Variants in WTIP observed in about 807,000 individuals in gnomAD.
WTIP encodes the protein Wilms tumor protein 1-interacting protein.
A neutral mutation model predicts 41.7 loss-of-function variants in WTIP; 23 were observed. The ratio of observed to expected loss-of-function variants is 0.55; its 90% CI spans 0.40 to 0.78. The LOEUF (loss-of-function observed/expected upper bound fraction) is 0.78, where lower values mean the gene tolerates loss of function less well. WTIP is among the 30% of genes least tolerant of loss of function. The pLI, the probability that WTIP is intolerant of heterozygous loss-of-function variation, is 0.00. For missense variants in WTIP, 619 were observed against 610.5 expected (o/e 1.01, Z -0.15); for synonymous variants, 314 against 269.9 (o/e 1.16, Z -1.60).
rs370764688 is a variant in WTIP, at chr19:34,500,252, C to G, written c.1276C>G (p.His426Asp). The G allele has an allele frequency of 7.5e-6, 12 of 1,608,132 alleles. No individual in the cohort carries two copies. Among genetic ancestry groups the G allele is most frequent in the Non-Finnish European group, 1.0e-5 (12 of 1,179,272 alleles). Residue 426 changes from histidine to aspartate, a missense_variant, in exon 8 of 8, where the codon CAC (histidine) becomes GAC (aspartate). By Grantham distance (81) the His-to-Asp change is moderately conservative. Around this residue, in one of 3 missense-constraint regions of WTIP, gnomAD observed 92 missense variants for 82.4 expected, o/e 1.12. Transcript: ENST00000590071. ...TGGGCCTCTTCCCTCACCCACTGTGCACGTCACTGAGCTCTGAGCAGGGGA... is the reference window on the plus strand; with the variant it reads ...TGGGCCTCTTCCCTCACCCACTGTGGACGTCACTGAGCTCTGAGCAGGGGA... The part of the protein sequence containing the change: ...QPGPLPSPTV[H>D]VTEL
intron 5 of WTIP, among the ~76,000 whole-genome samples, chr19:34,494,279 C>T (rs913138144): frequency 2.0e-5 from 3 of 152,002 alleles, no homozygotes; most frequent in Non-Finnish European, 4.4e-5. Flanking sequence ...CAGGGCCGGG[C>T]ATGGTGGCTC....
intron 1 of WTIP, among the ~76,000 whole-genome samples, chr19:34,484,318 G>A (rs886321662): frequency 7.9e-5 from 12 of 152,280 alleles, no homozygotes; most frequent in Admixed American, 6.5e-4. Flanking sequence ...GAGGCCAGGC[G>A]GGATGAGAGA....
Position 34,487,784 on chromosome 19 carries a change from G to A in WTIP, c.668-2592G>A, listed in dbSNP as rs549762116. On this transcript the variant is annotated intron_variant, in intron 1 of 7. Transcript: ENST00000590071. ...GGCCTGGAGCTGGCAGAAGATTTAC[G>A]GTCCAGAGGGCAGGTGGAGGCCATC... 5.9e-5 allele frequency among the ~76,000 whole-genome samples: 9 copies of A among 151,398 alleles called. No homozygotes were observed. In the South Asian group the frequency reaches 1.0e-3, roughly 18 times the overall value.
Position 34,493,612 on chromosome 19 carries a change from G to C in WTIP, c.1021G>C (p.Asp341His). ...GGAGAACAACATCTACTGCGTGCGAGACTATCACACGTGAGTTGCTGGTGC... is the reference window on the plus strand; with the variant it reads ...GGAGAACAACATCTACTGCGTGCGACACTATCACACGTGAGTTGCTGGTGC... The part of the protein sequence containing the change: ...DVENNIYCVR[D>H]YHTVFAPKCA... The change falls in exon 5 of 8, where the codon GAC becomes CAC. Residue 341 changes from aspartate to histidine, a missense_variant. Asp to His is a moderately conservative substitution (Grantham distance 81). Transcript: ENST00000590071. The surrounding 1 kb of genome is among the most constrained non-coding windows in gnomAD (Gnocchi z 4.1). The C allele has an allele frequency of 1.2e-6, 2 of 1,613,434 alleles. No individual in the cohort carries two copies. Among genetic ancestry groups the C allele is most frequent in the Non-Finnish European group, 8.5e-7 (1 of 1,179,892 alleles).
In WTIP at chr19:34,503,048, A is replaced by T. The variant is rs114659384; in HGVS notation, c.*2779A>T. ...GGGTTGCTTCACTGAACCCTGCTCC[A>T]TCCCGGTCACCATGCACGCTCCTGC... On this transcript the variant is annotated 3_prime_UTR_variant, in exon 8 of 8. Transcript: ENST00000590071. 6 of 152,506 alleles carry T rather than the reference A, an allele frequency of 3.9e-5. No individual in the cohort carries two copies. Among genetic ancestry groups the T allele is most frequent in the African/African-American group, 1.4e-4 (6 of 41,532 alleles). The allele number at this position is 152,506 out of a possible 1,614,324, so 9.4% of individuals were successfully genotyped here.
intron 7 of WTIP, among the ~76,000 whole-genome samples, chr19:34,496,751 T>C (rs1167683239): frequency 6.6e-6 from 1 of 151,952 alleles, no homozygotes; most frequent in Non-Finnish European, 1.5e-5. Context: ...GATGGGATGC[T>C]CTCATTTTTG....
Position 34,499,038 on chromosome 19 carries a change from A to G in WTIP, c.1153-1091A>G, listed in dbSNP as rs557985629. ...AGCCTGATCAGCATAGCAAGACGCC[A>G]TGTCTACAAAATACAAGGGGAAAAA... On this transcript the variant is annotated intron_variant, in intron 7 of 7. Coordinates refer to ENST00000590071, the MANE Select transcript of WTIP (RefSeq NM_001080436.2). Among the ~76,000 whole-genome samples, 6 of 151,754 alleles carry G rather than the reference A, an allele frequency of 4.0e-5. No individual in the cohort carries two copies. The East Asian group carries it at 1.2e-3, about 30-fold the overall frequency.
chr19:34,496,916 G>T (rs918037602), intron 7 of WTIP, among the ~76,000 whole-genome samples: 9 of 152,178 alleles, frequency 5.9e-5, no homozygotes, highest in Admixed American at 5.2e-4. Context: ...AGGCTGCAGT[G>T]CAGTGGCACT....
intron 6 of WTIP, 113 bp from the exon 7 acceptor site, chr19:34,495,590 G>A (rs190836553): frequency 1.4e-5 from 17 of 1,182,438 alleles, no homozygotes; most frequent in Non-Finnish European, 1.9e-5. Context: ...GCTCCCCGGG[G>A]CGGGCGTGCA....
At position 34,510,477 on chromosome 19, in the gene WTIP, A is replaced by AT. The variant is rs2075928964; in HGVS notation, c.*10214dup. On this transcript the variant is annotated 3_prime_UTR_variant, in exon 8 of 8. Transcript: ENST00000590071. ...GACTTTGGGTCCAGCCCACAAAACCATTTTTTGCTCCTAGGCTTCTGGGTC... is the reference window on the plus strand; with the variant it reads ...GACTTTGGGTCCAGCCCACAAAACCATTTTTTTGCTCCTAGGCTTCTGGGTC... The AT allele has an allele frequency of 6.6e-6, 1 of 152,100 alleles. No homozygotes were observed. Among genetic ancestry groups the AT allele is most frequent in the African/African-American group, 2.4e-5 (1 of 41,398 alleles). 9.4% of individuals were successfully genotyped at this position (152,100 alleles called of 1,614,324 possible).
At chr19:34,486,416 A>G (rs1286861699) in intron 1 of WTIP, among the ~76,000 whole-genome samples, 1 of 146,128 alleles carries the variant, frequency 6.8e-6, no homozygotes, top group Non-Finnish European at 1.5e-5. Context: ...TGCCCAGGGT[A>G]GAGTTCAATG....
In WTIP at chr19:34,482,415, C is replaced by T. The variant is rs1437015229; in HGVS notation, c.441C>T (p.Leu147=). ...GCGCCCGCTCCAGCGTTTCCAGCCTCGGCTCCCGGGGCTCGGCCGGCGCCT... is the reference window on the plus strand; with the variant it reads ...GCGCCCGCTCCAGCGTTTCCAGCCTTGGCTCCCGGGGCTCGGCCGGCGCCT... The part of the protein sequence containing the change: ...VGSARSSVSS[L]GSRGSAGAYA... Residue 147 remains leucine (L), a synonymous_variant, in exon 1 of 8, where the codon CTC becomes CTT. Transcript: ENST00000590071. 7.3e-7 allele frequency: 1 copy of T among 1,360,656 alleles called. No individual in the cohort carries two copies. Among genetic ancestry groups the T allele is most frequent in the Non-Finnish European group, 9.5e-7 (1 of 1,054,590 alleles). 84.3% of individuals were successfully genotyped at this position (1,360,656 alleles called of 1,614,324 possible).
In WTIP at chr19:34,482,024, G is replaced by A; in HGVS notation, c.50G>A (p.Gly17Glu). The part of the protein sequence containing the change: ...GADEAALLLA[G>E]LALRELEPGC... The stretch of plus-strand genomic sequence containing the variant: ...GACGAGGCGGCCCTACTCCTGGCCG[G>A]GCTGGCCCTGCGGGAGCTGGAGCCC... Residue 17 changes from glycine to glutamate, a missense_variant, in exon 1 of 8, where the codon GGG (glycine) becomes GAG (glutamate). Transcript: ENST00000590071. 2.0e-6 allele frequency: 2 copies of A among 1,025,354 alleles called. No homozygotes were observed. Among genetic ancestry groups the A allele is most frequent in the Non-Finnish European group, 2.3e-6 (2 of 857,198 alleles). 63.5% of individuals were successfully genotyped at this position (1,025,354 alleles called of 1,614,324 possible). A position where few individuals can be genotyped will look rare whatever the true frequency, so the allele number is the denominator to read the frequency against.
chr19:34,485,720 A>C (rs2075793815), intron 1 of WTIP, among the ~76,000 whole-genome samples: 1 of 152,090 alleles, frequency 6.6e-6, no homozygotes, highest in Admixed American at 6.5e-5. Context: ...CAGCCTCCTG[A>C]GTAGCTGAGA....
chr19:34,494,983 G>A (rs1414008663), intron 6 of WTIP, among the ~76,000 whole-genome samples: 7 of 152,208 alleles, frequency 4.6e-5, no homozygotes, highest in Non-Finnish European at 7.3e-5. Flanking sequence ...TGGTCTGTGC[G>A]GGAGCCACCC....
chr19:34,489,633 C>CT (rs11372488), intron 1 of WTIP, among the ~76,000 whole-genome samples: 74,324 of 152,066 alleles, frequency 0.49, 21,207 homozygotes, highest in African/African-American at 0.79. Flanking sequence ...CTTAAAGCAA[C>CT]TGTCTTGGTA....
intron 1 of WTIP, among the ~76,000 whole-genome samples, chr19:34,488,889 C>T (rs1271866463): frequency 9.3e-6 from 1 of 107,740 alleles, no homozygotes; most frequent in Non-Finnish European, 1.8e-5. Flanking sequence ...GGCAACAGAG[C>T]GAGACTCTCC....
rs373305810 is a variant in WTIP, at chr19:34,485,480, T to TA, written c.667+2840dup. On this transcript the variant is annotated intron_variant, in intron 1 of 7. Coordinates refer to ENST00000590071, the MANE Select transcript of WTIP (RefSeq NM_001080436.2). ...TTGAGCTACAAAAGTGGCAGTTTCA[T>TA]AGAGTTCAACCAGAATAATACAGCA... 2.6e-5 allele frequency among the ~76,000 whole-genome samples: 4 copies of TA among 152,316 alleles called. No homozygotes were observed. In the East Asian group the frequency reaches 7.7e-4, roughly 29 times the overall value.
chr19:34,492,352 C>T (rs181509598), intron 2 of WTIP, among the ~76,000 whole-genome samples: 48 of 148,338 alleles, frequency 3.2e-4, no homozygotes, highest in Middle Eastern at 3.4e-3. Flanking sequence ...TGGGCTCAAG[C>T]GATGCTCCTG....
Sources: gnomAD v4.1 joint callset for allele counts (sites outside exome capture counted in the v4.1 genomes callset) on GRCh38, gnomAD v4.1.1 for gene constraint, gnomAD v4.1.1 regional missense constraint, Gnocchi (gnomAD v3.1) non-coding constraint, MANE v1.5 for transcripts, NCBI Gene and HGNC (gene_info 2026-07-23, HGNC 2026-07-21) for gene names.